SLC7A14: variants seen among roughly 807,000 people sequenced by gnomAD.
SLC7A14 encodes gamma-aminobutyric acid transporter SLC7A14.
SLC7A14 carries 37 observed loss-of-function variants against 60.2 expected under a neutral mutation model. That is an observed-to-expected ratio of 0.61 (90% confidence interval 0.47 to 0.81). The LOEUF (loss-of-function observed/expected upper bound fraction) is 0.81, where lower values mean the gene tolerates loss of function less well. Ranked by LOEUF, SLC7A14 falls within the 30% of genes least tolerant of loss-of-function variation. SLC7A14 has a pLI of 0.00. For missense variants in SLC7A14, 886 were observed against 982.7 expected (o/e 0.90, Z 1.32); for synonymous variants, 399 against 395.8 (o/e 1.01, Z -0.10).
intron 3 of SLC7A14, 83 bp from the exon 4 acceptor site, chr3:170,498,967 T>A (rs751401740): frequency 7.5e-7 from 1 of 1,337,974 alleles, no homozygotes; most frequent in Non-Finnish European, 1.0e-6. Context: ...ACTGCATCCG[T>A]ACTCAGCTTT....
chr3:170,552,883 C>G (rs1714388732), intron 1 of SLC7A14, among the ~76,000 whole-genome samples: 1 of 152,204 alleles, frequency 6.6e-6, no homozygotes, highest in Admixed American at 6.5e-5. Context: ...GACTTATCAG[C>G]TTGATCACCT....
chr3:170,551,671 C>T (rs989988648), intron 1 of SLC7A14, among the ~76,000 whole-genome samples: 2 of 152,118 alleles, frequency 1.3e-5, no homozygotes, highest in African/African-American at 4.8e-5. Flanking sequence ...GCATCTTTAT[C>T]GGCCATTTGT....
chr3:170,490,451 A>G (rs1357609087), intron 4 of SLC7A14, among the ~76,000 whole-genome samples: 1 of 152,240 alleles, frequency 6.6e-6, no homozygotes, highest in Non-Finnish European at 1.5e-5. Flanking sequence ...GTGACTTGGC[A>G]CAACAACCAT....
intron 2 of SLC7A14, among the ~76,000 whole-genome samples, chr3:170,504,584 G>A (rs1712713148): frequency 6.6e-6 from 1 of 152,116 alleles, no homozygotes; most frequent in Admixed American, 6.5e-5. Flanking sequence ...GCCTTCCAAA[G>A]TACTGGGATT....
chr3:170,493,006 T>G (rs1019351420), intron 4 of SLC7A14, among the ~76,000 whole-genome samples: 2 of 152,170 alleles, frequency 1.3e-5, no homozygotes, highest in Non-Finnish European at 2.9e-5. Context: ...TTTTCCTTTG[T>G]TTGGAGGCTG....
At chr3:170,528,723 G>A (rs762315211) in intron 1 of SLC7A14, among the ~76,000 whole-genome samples, 36 of 152,208 alleles carry the variant, frequency 2.4e-4, no homozygotes, top group Non-Finnish European at 4.0e-4. Flanking sequence ...TAACACGCCA[G>A]AGATATTTAA....
chr3:170,568,916 A>G (rs1714868108), intron 1 of SLC7A14, among the ~76,000 whole-genome samples: 1 of 152,236 alleles, frequency 6.6e-6, no homozygotes, highest in Non-Finnish European at 1.5e-5. Context: ...TTGGGCTGAG[A>G]CAGTGGGATT....
In SLC7A14 at chr3:170,462,261, T is replaced by C. The variant is rs966388029; in HGVS notation, c.*4794A>G. On this transcript the variant is annotated 3_prime_UTR_variant, in exon 8 of 8. Coordinates refer to ENST00000231706, the MANE Select transcript of SLC7A14 (RefSeq NM_020949.3). ...GATTTTCAACCTGATGTAGCTTCTGTTTATGTTGCAGATAAGAGGTGGTTT... is the reference window on the plus strand; with the variant it reads ...GATTTTCAACCTGATGTAGCTTCTGCTTATGTTGCAGATAAGAGGTGGTTT... 8 of 152,172 alleles carry C rather than the reference T, an allele frequency of 5.3e-5. No homozygotes were observed. Among genetic ancestry groups the C allele is most frequent in the Non-Finnish European group, 4.4e-5 (3 of 68,032 alleles). The allele number at this position is 152,172 out of a possible 1,614,324, so 9.4% of individuals were successfully genotyped here.
intron 1 of SLC7A14, among the ~76,000 whole-genome samples, chr3:170,563,409 G>GTT (rs1244002284): frequency 2.0e-5 from 2 of 102,446 alleles, no homozygotes; most frequent in South Asian, 7.2e-4. Context: ...AACACTGTTT[G>GTT]TTTGTTTGTT....
Position 170,489,391 on chromosome 3 carries a change from T to C in SLC7A14, c.760-3023A>G, listed in dbSNP as rs1466826416. Among the ~76,000 whole-genome samples the C allele has an allele frequency of 2.0e-5, 3 of 152,184 alleles. No homozygotes were observed. In the East Asian group the frequency reaches 5.8e-4, roughly 29 times the overall value. ...TGAAAATCACAACTATAATCAGATA[T>C]TATCTCACCTCACTTAAAATGGCTT... On this transcript the variant is annotated intron_variant, in intron 4 of 7. Coordinates refer to ENST00000231706, the MANE Select transcript of SLC7A14 (RefSeq NM_020949.3).
intron 5 of SLC7A14, among the ~76,000 whole-genome samples, chr3:170,485,065 CAG>C (rs1236639070): frequency 6.6e-6 from 1 of 152,156 alleles, no homozygotes; most frequent in Non-Finnish European, 1.5e-5. Flanking sequence ...AGGGGAAATG[CAG>C]AGTGTCCTTG....
chr3:170,567,264 T>C (rs182782756), intron 1 of SLC7A14, among the ~76,000 whole-genome samples: 5 of 150,992 alleles, frequency 3.3e-5, no homozygotes, highest in Non-Finnish European at 7.4e-5. Flanking sequence ...CGGTGTTTTG[T>C]TTTTTGTCCT....
intron 2 of SLC7A14, among the ~76,000 whole-genome samples, chr3:170,510,631 A>G (rs1712950408): frequency 6.6e-6 from 1 of 152,246 alleles, no homozygotes; most frequent in Non-Finnish European, 1.5e-5. Context: ...ATTGATGATG[A>G]TGGTTATGAT....
intron 2 of SLC7A14, among the ~76,000 whole-genome samples, chr3:170,517,289 A>G (rs1713195709): frequency 6.6e-6 from 1 of 152,182 alleles, no homozygotes; most frequent in Admixed American, 6.5e-5. Context: ...GGGACATTTG[A>G]GACAGCTAGT....
intron 1 of SLC7A14, among the ~76,000 whole-genome samples, chr3:170,534,632 G>A (rs546256363): frequency 6.6e-6 from 1 of 152,238 alleles, no homozygotes; most frequent in African/African-American, 2.4e-5. Flanking sequence ...ACTCTGATGT[G>A]TTCATTCCTG....
intron 2 of SLC7A14, among the ~76,000 whole-genome samples, chr3:170,516,240 C>T (rs548613112): frequency 1.1e-4 from 16 of 152,212 alleles, no homozygotes; most frequent in Non-Finnish European, 2.2e-4. Flanking sequence ...CTTTACAACA[C>T]CTTTCTCCTC....
intron 5 of SLC7A14, 148 bp downstream of exon 5, chr3:170,486,074 T>C: frequency 1.9e-6 from 2 of 1,030,504 alleles, no homozygotes; most frequent in South Asian, 1.8e-5. Flanking sequence ...CCTAATTTTT[T>C]TCTTGTCATG....
At position 170,575,674 on chromosome 3, in the gene SLC7A14, G is replaced by C. The variant is rs181426858; in HGVS notation, c.-153+10237C>G. Among the ~76,000 whole-genome samples the C allele has an allele frequency of 2.2e-4, 34 of 152,248 alleles. No homozygotes were observed. In the East Asian group the frequency reaches 6.0e-3, roughly 27 times the overall value. ...ACAAAATGCTATGAACTGAGAGGAGGGACTAGGTTCTAGCTCTTATACTGC... is the reference window on the plus strand; with the variant it reads ...ACAAAATGCTATGAACTGAGAGGAGCGACTAGGTTCTAGCTCTTATACTGC... On this transcript the variant is annotated intron_variant, in intron 1 of 7. Transcript: ENST00000231706.
intron 1 of SLC7A14, among the ~76,000 whole-genome samples, chr3:170,573,764 GGAAGAGT>G (rs1431632008): frequency 1.3e-5 from 2 of 152,198 alleles, no homozygotes; most frequent in Non-Finnish European, 2.9e-5. Flanking sequence ...GGTGGAGTTT[GGAAGAGT>G]TCTCTTGTCT....
Sources: allele counts gnomAD v4.1 joint callset (sites outside exome capture counted in the v4.1 genomes callset), GRCh38; gene constraint gnomAD v4.1.1; transcripts MANE v1.5; gene names NCBI Gene and HGNC (gene_info 2026-07-23, HGNC 2026-07-21).